AGBL1: variants seen among roughly 807,000 people sequenced by gnomAD.
AGBL1 encodes AGBL carboxypeptidase 1, also known as cytosolic carboxypeptidase 4.
AGBL1 carries 130 observed loss-of-function variants against 118.9 expected under a neutral mutation model. The ratio of observed to expected loss-of-function variants is 1.09; its 90% CI spans 0.95 to 1.26. The LOEUF is 1.26. Among genes scored for constraint, AGBL1 ranks in the 50% most tolerant of loss-of-function variants. AGBL1 has a pLI of 0.00. For missense variants in AGBL1, 1,584 were observed against 1,298.1 expected (o/e 1.22, Z -3.38); for synonymous variants, 555 against 478.9 (o/e 1.16, Z -2.08).
At chr15:86,993,904 A>G (rs1414034188) in intron 24 of AGBL1, among the ~76,000 whole-genome samples, 2 of 152,070 alleles carry the variant, frequency 1.3e-5, no homozygotes, top group Non-Finnish European at 2.9e-5. Flanking sequence ...CTCCTCTCGA[A>G]GGGTAGGGGT....
At position 86,578,086 on chromosome 15, in the gene AGBL1, C is replaced by T. The variant is rs538189192; in HGVS notation, c.2994+23549C>T. 3.2e-4 allele frequency among the ~76,000 whole-genome samples: 49 copies of T among 152,240 alleles called. No individual in the cohort carries two copies. The South Asian group carries it at 1.0e-2, about 31-fold the overall frequency. ...TCCACTGACAGCTTGCACCGTGTGC[C>T]TGGAAAAGCCACAGACACTCAACAC... On this transcript the variant is annotated intron_variant, in intron 21 of 22. Coordinates refer to ENST00000614907, the MANE Select transcript of AGBL1 (RefSeq NM_001386094.1).
At chr15:86,209,870 G>A (rs560294474) in intron 5 of AGBL1, among the ~76,000 whole-genome samples, 11 of 152,218 alleles carry the variant, frequency 7.2e-5, no homozygotes, top group African/African-American at 2.6e-4. Context: ...ACGTTAGCTG[G>A]TTATTTTGCC....
At chr15:86,625,399 T>TTTTTTTTTTTTTTTTTG (rs1360939287) in intron 21 of AGBL1, among the ~76,000 whole-genome samples, 1 of 130,658 alleles carries the variant, frequency 7.7e-6, no homozygotes, top group Non-Finnish European at 1.6e-5. Context: ...TTTTTTTTTT[T>TTTTTTTTTTTTTTTTTG]TACAAACACA....
At chr15:86,556,015 A>G (rs527895223) in intron 21 of AGBL1, among the ~76,000 whole-genome samples, 1 of 152,304 alleles carries the variant, frequency 6.6e-6, no homozygotes, top group East Asian at 1.9e-4. Context: ...TGTTTAAAAG[A>G]CAACTCCATG....
At chr15:86,752,883 A>C (rs1480566739) in intron 22 of AGBL1, among the ~76,000 whole-genome samples, 1 of 152,104 alleles carries the variant, frequency 6.6e-6, no homozygotes, top group Non-Finnish European at 1.5e-5. Context: ...TAGATGAGGG[A>C]CATTAATTGC....
At chr15:86,776,050 T>C (rs2078250935) in intron 22 of AGBL1, among the ~76,000 whole-genome samples, 1 of 152,142 alleles carries the variant, frequency 6.6e-6, no homozygotes, top group Non-Finnish European at 1.5e-5. Context: ...TAGCTGACAA[T>C]CTGGTCTCTG....
intron 18 of AGBL1, among the ~76,000 whole-genome samples, chr15:86,451,658 G>T (rs760057045): frequency 9.2e-5 from 14 of 152,124 alleles, no homozygotes; most frequent in Non-Finnish European, 1.5e-4. Context: ...ATAGTGGAAG[G>T]CAAGAGCAGT....
At chr15:86,435,242 T>G (rs1178635576) in intron 18 of AGBL1, among the ~76,000 whole-genome samples, 1 of 152,192 alleles carries the variant, frequency 6.6e-6, no homozygotes, top group Non-Finnish European at 1.5e-5. Flanking sequence ...CTTTTTCCAT[T>G]TATGTTCTTG....
At chr15:86,109,834 TG>T (rs1418100197) in intron 1 of AGBL1, 2 of 152,232 alleles carry the variant, frequency 1.3e-5, no homozygotes, top group Non-Finnish European at 2.9e-5. Context: ...GTTATGATGC[TG>T]GGGAGTCTGC....
At chr15:86,358,691 A>T (rs1189396859) in intron 17 of AGBL1, among the ~76,000 whole-genome samples, 1 of 151,758 alleles carries the variant, frequency 6.6e-6, no homozygotes, top group Non-Finnish European at 1.5e-5. Flanking sequence ...GCTAATATTT[A>T]TCTTTTTTAA....
chr15:86,514,744 C>T lies in AGBL1; in HGVS notation c.2556-8066C>T, dbSNP rs1217098149. Among the ~76,000 whole-genome samples, 4 of 152,122 alleles carry T rather than the reference C, an allele frequency of 2.6e-5. No homozygotes were observed. The East Asian group carries it at 7.7e-4, about 29-fold the overall frequency. On this transcript the variant is annotated intron_variant, in intron 18 of 22. Transcript: ENST00000614907. The stretch of plus-strand genomic sequence containing the variant: ...TTATACCCCATGTCCACCCCATGTC[C>T]ATTAGGCCATCAGTCTTATTAGTTT...
At chr15:86,566,066 C>A (rs1469780274) in intron 21 of AGBL1, among the ~76,000 whole-genome samples, 2 of 151,944 alleles carry the variant, frequency 1.3e-5, no homozygotes, top group Non-Finnish European at 2.9e-5. Context: ...TTCCCTGAGC[C>A]CTTGCACTTC....
At chr15:86,545,157 G>A (rs2083562385) in intron 19 of AGBL1, among the ~76,000 whole-genome samples, 1 of 152,180 alleles carries the variant, frequency 6.6e-6, no homozygotes, top group African/African-American at 2.4e-5. Context: ...CACAAGAGTA[G>A]CATGTTTCAA....
intron 22 of AGBL1, among the ~76,000 whole-genome samples, chr15:86,792,643 T>A (rs1399434977): frequency 6.6e-6 from 1 of 152,154 alleles, no homozygotes; most frequent in Non-Finnish European, 1.5e-5. Context: ...ATAATTCTTT[T>A]AAAATTTAAC....
chr15:86,815,527 C>G (rs760257365), intron 22 of AGBL1, among the ~76,000 whole-genome samples: 1 of 152,082 alleles, frequency 6.6e-6, no homozygotes, highest in African/African-American at 2.4e-5. Flanking sequence ...AGAAGTTGGT[C>G]AGGATCACCA....
intron 22 of AGBL1, among the ~76,000 whole-genome samples, chr15:86,718,756 G>A (rs2142712711): frequency 6.6e-6 from 1 of 152,216 alleles, no homozygotes; most frequent in South Asian, 2.1e-4. Flanking sequence ...AGGAGGCCAG[G>A]AAATGAAGGA....
At chr15:86,820,562 A>G (rs1322946726) in intron 22 of AGBL1, among the ~76,000 whole-genome samples, 1 of 152,222 alleles carries the variant, frequency 6.6e-6, no homozygotes, top group East Asian at 1.9e-4. Context: ...TTTTGCGGCC[A>G]AGAAACATAT....
chr15:86,437,134 T>C (rs1162664000), intron 18 of AGBL1, among the ~76,000 whole-genome samples: 1 of 152,178 alleles, frequency 6.6e-6, no homozygotes, highest in Non-Finnish European at 1.5e-5. Flanking sequence ...TTAGCTTAAT[T>C]TGAGGACACT....
chr15:86,470,555 C>A (rs938533572), intron 18 of AGBL1, among the ~76,000 whole-genome samples: 2 of 152,056 alleles, frequency 1.3e-5, no homozygotes, highest in Admixed American at 6.6e-5. Flanking sequence ...TTTATGATTG[C>A]TTTTTCTACT....
Sources: allele counts gnomAD v4.1 joint callset (sites outside exome capture counted in the v4.1 genomes callset), GRCh38; gene constraint gnomAD v4.1.1; transcripts MANE v1.5; gene names NCBI Gene and HGNC (gene_info 2026-07-23, HGNC 2026-07-21).